The following RP1 variants were observed in gnomAD, a reference collection of about 807,000 sequenced individuals.
RP1 encodes the protein RP1 axonemal microtubule associated.
RP1 carries 16 observed loss-of-function variants against 14.8 expected under a neutral mutation model. That is an observed-to-expected ratio of 1.08 (90% CI 0.73 to 1.65). RP1 has a LOEUF of 1.65. RP1 is among the 40% of genes most tolerant of loss of function. The pLI is 0.00. For missense variants in RP1, 2,631 were observed against 2,535.0 expected (o/e 1.04, Z -0.81); for synonymous variants, 876 against 883.6 (o/e 0.99, Z 0.15).
At chr8:54,705,166 C>T (rs1022598254) in intron 14 of RP1, among the ~76,000 whole-genome samples, 8 of 151,920 alleles carry the variant, frequency 5.3e-5, no homozygotes, top group African/African-American at 1.5e-4. Context: ...TGGGGGACCC[C>T]GAGACCACTA....
chr8:54,800,370 G>T (rs1272083052), intron 24 of RP1, among the ~76,000 whole-genome samples: 2 of 151,660 alleles, frequency 1.3e-5, no homozygotes, highest in Non-Finnish European at 2.9e-5. Context: ...ATCCTGGTTG[G>T]TGAGCTTCTT....
chr8:54,601,619 A>T (rs2129304981), intron 1 of RP1, among the ~76,000 whole-genome samples: 1 of 152,066 alleles, frequency 6.6e-6, no homozygotes, highest in South Asian at 2.1e-4. Flanking sequence ...AAAAGAAAGA[A>T]GCGATAGTAC....
rs1408790239 is a variant in RP1 at position 54,663,871 on chromosome 8, T to G, written c.1323+21T>G. On this transcript the variant is annotated intron_variant, in intron 7 of 22. Coordinates refer to the RP1 transcript ENST00000636932. Reference sequence around the variant, plus strand: ...GACAAGTAAGCAAAATGCCCTTTGATTTTAAAAAGATTAATCATGGTAAAA... The same window carrying G: ...GACAAGTAAGCAAAATGCCCTTTGAGTTTAAAAAGATTAATCATGGTAAAA... 20 of 1,506,174 alleles carry G rather than the reference T, an allele frequency of 1.3e-5. 1 individual carries two copies. The highest frequency in any genetic ancestry group is 1.8e-5 in the Non-Finnish European group (20 of 1,136,928). The allele number at this position is 1,506,174 out of a possible 1,614,324, so 93.3% of individuals were successfully genotyped here. A position where few individuals can be genotyped will look rare whatever the true frequency, so the allele number is the denominator to read the frequency against.
Position 54,651,613 on chromosome 8 carries a change from C to G in RP1, c.952-1167C>G, listed in dbSNP as rs529736117. 6.4e-4 allele frequency among the ~76,000 whole-genome samples: 97 copies of G among 152,188 alleles called. 1 individual carries two copies. In the Middle Eastern group the frequency reaches 0.014, roughly 21 times the overall value. ...TTCTGTAAAGTCAATAGCAATGTCT[C>G]TACTTTTATTTTTGATTTTAGCAAT... On this transcript the variant is annotated intron_variant, in intron 4 of 22. Transcript: ENST00000636932.
At chr8:54,804,845 T>C (rs1458077372) in intron 24 of RP1, among the ~76,000 whole-genome samples, 1 of 152,234 alleles carries the variant, frequency 6.6e-6, no homozygotes, top group East Asian at 1.9e-4. Context: ...TAAGCAATTA[T>C]ATTTTAAAAA....
At chr8:54,720,544 G>A (rs1808509504) in intron 16 of RP1, among the ~76,000 whole-genome samples, 1 of 152,146 alleles carries the variant, frequency 6.6e-6, no homozygotes, top group South Asian at 2.1e-4. Context: ...AACTTTGAAA[G>A]TTATGTGTGT....
chr8:54,759,932 A>G (rs1809599023), intron 22 of RP1, among the ~76,000 whole-genome samples: 1 of 152,158 alleles, frequency 6.6e-6, no homozygotes, highest in Non-Finnish European at 1.5e-5. Context: ...TCTTTTTCCA[A>G]ATAGGTAATC....
At position 54,572,468 on chromosome 8, in the gene RP1, G is replaced by GA. The variant is rs112892350; in HGVS notation, c.-13+13149dup. Among the ~76,000 whole-genome samples, 1,381 of 152,334 alleles carry GA rather than the reference G, an allele frequency of 9.1e-3. 23 individuals are homozygous for GA. The highest frequency in any genetic ancestry group is 0.031 in the African/African-American group (1,306 of 41,570). On this transcript the variant is annotated intron_variant, in intron 1 of 22. Transcript: ENST00000636932. ...GTGGCCTAGGCAAGTCATTTGTCTG[G>GA]ATAGCAACATACTCTCTGTAAAGCA...
At chr8:54,656,073 G>A (rs1806748921) in intron 5 of RP1, 2 of 1,500,674 alleles carry the variant, frequency 1.3e-6, no homozygotes, top group Non-Finnish European at 1.8e-6. Context: ...TAATATTATT[G>A]TTATTATAGA....
chr8:54,701,212 T>A (rs1474928048), intron 13 of RP1, among the ~76,000 whole-genome samples: 1 of 152,156 alleles, frequency 6.6e-6, no homozygotes, highest in Non-Finnish European at 1.5e-5. Flanking sequence ...ATAAGATACA[T>A]ATTAGGATCT....
chr8:54,752,149 C>T (rs1217702120), intron 19 of RP1, among the ~76,000 whole-genome samples: 1 of 152,170 alleles, frequency 6.6e-6, no homozygotes, highest in Non-Finnish European at 1.5e-5. Flanking sequence ...TTACCATTGG[C>T]TAACTGAAAT....
chr8:54,636,480 G>A (rs746595246), intron 3 of RP1, among the ~76,000 whole-genome samples: 1 of 152,238 alleles, frequency 6.6e-6, no homozygotes, highest in Non-Finnish European at 1.5e-5. Flanking sequence ...GCTCACGCCT[G>A]TAATCCCAGC....
exon 23 of RP1, chr8:54,769,841 G>A: frequency 7.0e-7 from 1 of 1,424,578 alleles, no homozygotes; most frequent in Non-Finnish European, 9.5e-7. Context: ...AGTACAAGAT[G>A]ATTTTGTTAC....
chr8:54,624,315 C>T (rs141766177), intron 3 of RP1, among the ~76,000 whole-genome samples: 4,100 of 151,554 alleles, frequency 0.027, 172 homozygotes, highest in African/African-American at 0.093. Context: ...CATGGTGGTG[C>T]GGGCCTGTAG....
At chr8:54,762,386 T>C (rs531693509) in intron 22 of RP1, among the ~76,000 whole-genome samples, 43 of 152,182 alleles carry the variant, frequency 2.8e-4, no homozygotes, top group Admixed American at 1.3e-3. Flanking sequence ...TGCCTGCGAG[T>C]GTGCGCATCC....
intron 23 of RP1, among the ~76,000 whole-genome samples, chr8:54,783,196 C>A (rs915829150): frequency 1.3e-5 from 2 of 152,106 alleles, no homozygotes; most frequent in African/African-American, 4.8e-5. Flanking sequence ...TATCAGGATG[C>A]CTGTCATCCA....
At chr8:54,660,898 T>A (rs1251697596) in intron 6 of RP1, among the ~76,000 whole-genome samples, 2 of 152,100 alleles carry the variant, frequency 1.3e-5, no homozygotes, top group East Asian at 1.9e-4. Context: ...ATACCTCTGA[T>A]TAGAATAGCA....
chr8:54,666,235 C>T (rs1807014972), intron 7 of RP1, among the ~76,000 whole-genome samples: 1 of 152,120 alleles, frequency 6.6e-6, no homozygotes, highest in Non-Finnish European at 1.5e-5. Context: ...CAACCAGATG[C>T]TGGCTAAGTA....
At chr8:54,727,608 A>G (rs549933478) in intron 17 of RP1, among the ~76,000 whole-genome samples, 2 of 152,222 alleles carry the variant, frequency 1.3e-5, no homozygotes, top group Admixed American at 6.5e-5. Context: ...GAGGCTGGCC[A>G]AGTAATTTGT....
Sources: gnomAD v4.1 joint callset for allele counts (sites outside exome capture counted in the v4.1 genomes callset) on GRCh38, gnomAD v4.1.1 for gene constraint, MANE v1.5 for transcripts, NCBI Gene and HGNC (gene_info 2026-07-23, HGNC 2026-07-21) for gene names.